FAM222A: variants seen among roughly 807,000 people sequenced by gnomAD.
The protein encoded by FAM222A is protein FAM222A.
A neutral mutation model predicts 25.8 loss-of-function variants in FAM222A; 7 were observed. The ratio of observed to expected loss-of-function variants is 0.27; its 90% CI spans 0.15 to 0.51. FAM222A has a LOEUF of 0.51. Ranked by LOEUF, FAM222A falls within the 20% of genes least tolerant of loss-of-function variation. The pLI, the probability that FAM222A is intolerant of heterozygous loss-of-function variation, is 0.97. For missense variants in FAM222A, 573 were observed against 640.5 expected (o/e 0.89, Z 1.14); for synonymous variants, 294 against 298.8 (o/e 0.98, Z 0.17).
At chr12:109,719,133 A>G (rs1261807983) in intron 1 of FAM222A, among the ~76,000 whole-genome samples, 1 of 151,874 alleles carries the variant, frequency 6.6e-6, no homozygotes, top group Non-Finnish European at 1.5e-5. Flanking sequence ...TGCCCTGACC[A>G]CTCCAGTGGT....
intron 1 of FAM222A, among the ~76,000 whole-genome samples, chr12:109,737,732 G>A (rs7972233): frequency 0.18 from 27,487 of 152,098 alleles, 2,797 homozygotes; most frequent in East Asian, 0.29. Context: ...AAGAATCCCC[G>A]GCTTGAGAGA....
chr12:109,746,270 C>T (rs545732277), intron 2 of FAM222A, among the ~76,000 whole-genome samples: 1 of 152,252 alleles, frequency 6.6e-6, no homozygotes, highest in Non-Finnish European at 1.5e-5. Context: ...AGGTGGATCA[C>T]GTGAGGTCAG....
intron 1 of FAM222A, chr12:109,743,895 GGATT>G: frequency 1.0e-6 from 1 of 985,436 alleles, no homozygotes; most frequent in Non-Finnish European, 1.2e-6. Context: ...CAAGAGCCCT[GGATT>G]CTGTCCCTTC....
chr12:109,750,184 G>A (rs1888522833), intron 2 of FAM222A, among the ~76,000 whole-genome samples: 4 of 152,170 alleles, frequency 2.6e-5, no homozygotes, highest in Admixed American at 2.0e-4. Flanking sequence ...TGGTGGCCTT[G>A]TTCTAATGGT....
Position 109,714,297 on chromosome 12 carries a change from C to T in FAM222A, c.-647C>T. 1 of 160,142 alleles carries T rather than the reference C, an allele frequency of 6.2e-6. No individual in the cohort carries two copies. The highest frequency in any genetic ancestry group is 1.4e-5 in the Non-Finnish European group (1 of 72,750). 9.9% of individuals were successfully genotyped at this position (160,142 alleles called of 1,614,324 possible). ...CAGGAGGAGGAGGGGCCGGTGCATT[C>T]TCGCCGCTGTTCTTTGCAACCTGCA... On this transcript the variant is annotated 5_prime_UTR_variant, in exon 1 of 3. Coordinates refer to ENST00000538780, the MANE Select transcript of FAM222A (RefSeq NM_032829.3). The surrounding 1 kb of genome is among the most constrained non-coding windows in gnomAD (Gnocchi z 4.2).
At chr12:109,716,116 A>C (rs1241158719) in intron 1 of FAM222A, among the ~76,000 whole-genome samples, 1 of 152,160 alleles carries the variant, frequency 6.6e-6, no homozygotes, top group African/African-American at 2.4e-5. Flanking sequence ...AGTGAGGCCC[A>C]TCAGTGCCAA....
chr12:109,740,023 C>T (rs1888195641), intron 1 of FAM222A, among the ~76,000 whole-genome samples: 1 of 152,208 alleles, frequency 6.6e-6, no homozygotes, highest in Non-Finnish European at 1.5e-5. Flanking sequence ...TGCAGCCAGA[C>T]AGGCGAGGGC....
chr12:109,766,688 A>G (rs2136388689), intron 2 of FAM222A, among the ~76,000 whole-genome samples: 1 of 152,350 alleles, frequency 6.6e-6, no homozygotes, highest in African/African-American at 2.4e-5. Context: ...AGAATGAAAG[A>G]TGACACCAAG....
At position 109,769,921 on chromosome 12, in the gene FAM222A, C is replaced by G. The variant is rs1207787272; in HGVS notation, c.*633C>G. 1 of 152,972 alleles carries G rather than the reference C, an allele frequency of 6.5e-6. No homozygotes were observed. Among genetic ancestry groups the G allele is most frequent in the African/African-American group, 2.4e-5 (1 of 41,418 alleles). 9.5% of individuals were successfully genotyped at this position (152,972 alleles called of 1,614,324 possible). ...AGAGTTGCACCCCCATCCCCATTCT[C>G]CAAACCCTGGACTACCATATTCCCC... On this transcript the variant is annotated 3_prime_UTR_variant, in exon 3 of 3. Coordinates refer to ENST00000538780, the MANE Select transcript of FAM222A (RefSeq NM_032829.3).
At chr12:109,720,773 GA>G (rs1887732789) in intron 1 of FAM222A, among the ~76,000 whole-genome samples, 1 of 152,178 alleles carries the variant, frequency 6.6e-6, no homozygotes, top group South Asian at 2.1e-4. Flanking sequence ...GAGAGGCCTC[GA>G]GTGCACCCCC....
intron 1 of FAM222A, chr12:109,735,869 G>A (rs1446092596): frequency 6.6e-6 from 1 of 152,260 alleles, no homozygotes; most frequent in Admixed American, 6.5e-5. Context: ...TTTCATTAAA[G>A]AGCCGAGGCT....
intron 1 of FAM222A, among the ~76,000 whole-genome samples, chr12:109,737,585 TAA>T (rs11311105): frequency 2.3e-3 from 326 of 138,794 alleles, no homozygotes; most frequent in African/African-American, 4.4e-3. Context: ...CCCCCAACCT[TAA>T]AAAAAAAAAA....
At chr12:109,740,736 C>T (rs1888217225) in intron 1 of FAM222A, among the ~76,000 whole-genome samples, 1 of 152,350 alleles carries the variant, frequency 6.6e-6, no homozygotes, top group South Asian at 2.1e-4. Context: ...AATGATTACT[C>T]TTGCCAGGCA....
At chr12:109,716,845 T>C (rs1048036840) in intron 1 of FAM222A, among the ~76,000 whole-genome samples, 1 of 152,270 alleles carries the variant, frequency 6.6e-6, no homozygotes, top group African/African-American at 2.4e-5. Flanking sequence ...GAGTGCCAGC[T>C]TTCTCAGCAT....
chr12:109,739,672 C>T (rs1262529640), intron 1 of FAM222A, among the ~76,000 whole-genome samples: 1 of 152,232 alleles, frequency 6.6e-6, no homozygotes, highest in Non-Finnish European at 1.5e-5. Flanking sequence ...GAGAAGCAGA[C>T]CCTTGCTTCC....
chr12:109,714,188 T>C lies in FAM222A; in HGVS notation c.-756T>C. ...GAGGCCCCCGAGGCTGCATCCGAGCTTGCGTCGCCCGCTGCCGCCGCCGCC... is the reference window on the plus strand; with the variant it reads ...GAGGCCCCCGAGGCTGCATCCGAGCCTGCGTCGCCCGCTGCCGCCGCCGCC... On this transcript the variant is annotated 5_prime_UTR_variant, in exon 1 of 3. Transcript: ENST00000538780. The surrounding 1 kb of genome is among the most constrained non-coding windows in gnomAD (Gnocchi z 4.2). 1 of 208,178 alleles carries C rather than the reference T, an allele frequency of 4.8e-6. No homozygotes were observed. Among genetic ancestry groups the C allele is most frequent in the South Asian group, 5.9e-5 (1 of 16,824 alleles). The allele number at this position is 208,178 out of a possible 1,614,324, so 12.9% of individuals were successfully genotyped here. A position where few individuals can be genotyped will look rare whatever the true frequency, so the allele number is the denominator to read the frequency against.
At position 109,759,059 on chromosome 12, in the gene FAM222A, C is replaced by T. The variant is rs113442396; in HGVS notation, c.83-8953C>T. 3.2e-3 allele frequency among the ~76,000 whole-genome samples: 480 copies of T among 152,336 alleles called. 2 individuals are homozygous for T. Among genetic ancestry groups the T allele is most frequent in the Middle Eastern group, 6.8e-3 (2 of 292 alleles). On this transcript the variant is annotated intron_variant, in intron 2 of 2. Transcript: ENST00000538780. The stretch of plus-strand genomic sequence containing the variant: ...AAAGCTGAAGTCCACCAAGGGAACC[C>T]CTTCTCCAGGGGTATGCCCAGTGAA...
chr12:109,765,498 C>T (rs1889021224), intron 2 of FAM222A, among the ~76,000 whole-genome samples: 1 of 152,244 alleles, frequency 6.6e-6, no homozygotes, highest in Admixed American at 6.5e-5. Context: ...ACTTCTCTGC[C>T]TCAGGGCCTT....
At chr12:109,741,659 G>A (rs1375057534) in intron 1 of FAM222A, among the ~76,000 whole-genome samples, 1 of 152,256 alleles carries the variant, frequency 6.6e-6, no homozygotes, top group African/African-American at 2.4e-5. Flanking sequence ...AAAGGCTGGA[G>A]ATAGGGCCGG....
Sources: gnomAD v4.1 joint callset for allele counts (sites outside exome capture counted in the v4.1 genomes callset) on GRCh38, gnomAD v4.1.1 for gene constraint, Gnocchi (gnomAD v3.1) non-coding constraint, MANE v1.5 for transcripts, NCBI Gene and HGNC (gene_info 2026-07-23, HGNC 2026-07-21) for gene names.